The following GPR155 variants were observed in gnomAD, a reference collection of about 807,000 sequenced individuals.
GPR155 encodes the protein lysosomal cholesterol signaling protein.
In GPR155, 65 loss-of-function variants were observed where a neutral mutation model predicts 93.1. The observed-to-expected ratio is 0.70, with a 90% CI of 0.57 to 0.86. The LOEUF (loss-of-function observed/expected upper bound fraction) is 0.86, where lower values mean the gene tolerates loss of function less well. Ranked by LOEUF, GPR155 falls within the 40% of genes least tolerant of loss-of-function variation. The pLI is 0.00. For missense variants in GPR155, 838 were observed against 1,034.8 expected (o/e 0.81, Z 2.61); for synonymous variants, 319 against 360.1 (o/e 0.89, Z 1.29).
intron 1 of GPR155, among the ~76,000 whole-genome samples, chr2:174,485,941 T>C (rs1309780815): frequency 5.3e-5 from 8 of 152,244 alleles, no homozygotes; most frequent in African/African-American, 1.9e-4. Flanking sequence ...AAACCGCTTC[T>C]AGCCACATCA....
Position 174,432,661 on chromosome 2 carries a change from AC to A in GPR155, c.*3454del, listed in dbSNP as rs1478935704. 5 of 152,182 alleles carry A rather than the reference AC, an allele frequency of 3.3e-5. No homozygotes were observed. The highest frequency in any genetic ancestry group is 9.7e-5 in the African/African-American group (4 of 41,450). The allele number at this position is 152,182 out of a possible 1,614,324, so 9.4% of individuals were successfully genotyped here. A position where few individuals can be genotyped will look rare whatever the true frequency, so the allele number is the denominator to read the frequency against. On this transcript the variant is annotated 3_prime_UTR_variant, in exon 16 of 16. Coordinates refer to ENST00000392552, the MANE Select transcript of GPR155 (RefSeq NM_152529.7). ...CGCAGCAAGACAATTCAGCTTAAAA[AC>A]ATCCCCATTCCCTAATCACAACTTA...
intron 1 of GPR155, among the ~76,000 whole-genome samples, chr2:174,482,417 T>C (rs1688353158): frequency 6.6e-6 from 1 of 152,172 alleles, no homozygotes; most frequent in Non-Finnish European, 1.5e-5. Flanking sequence ...CCAAATTCTC[T>C]GGAAATTTCA....
chr2:174,466,586 T>A lies in GPR155; in HGVS notation c.1224A>T (p.Lys408Asn), dbSNP rs1687843697. 1.3e-6 allele frequency: 2 copies of A among 1,593,092 alleles called. No individual in the cohort carries two copies. Among genetic ancestry groups the A allele is most frequent in the Non-Finnish European group, 1.7e-6 (2 of 1,164,040 alleles). Residue 408 changes from lysine to asparagine, a missense_variant, in exon 6 of 16, where the codon AAA (lysine) becomes AAT (asparagine). Around this residue, in one of 3 missense-constraint regions of GPR155, gnomAD observed 663 missense variants for 790.1 expected, o/e 0.84. Transcript: ENST00000392552. Reference protein sequence around the residue: ...LAILLLSKKYKQLPHMLTTNL... With the variant: ...LAILLLSKKYNQLPHMLTTNL... The stretch of plus-strand genomic sequence containing the variant: ...TAGTTGTAAGCATATGAGGAAGCTG[T>A]TTATATTTCTTACTCAAAAGAAGAA...
chr2:174,479,836 C>G (rs963258397), intron 2 of GPR155, among the ~76,000 whole-genome samples: 20 of 152,198 alleles, frequency 1.3e-4, no homozygotes, highest in Admixed American at 7.8e-4. Context: ...TCTTTATTTC[C>G]TTTTGAAATT....
At chr2:174,483,157 A>G (rs771187200) in intron 1 of GPR155, 5 of 152,182 alleles carry the variant, frequency 3.3e-5, no homozygotes, top group Admixed American at 1.3e-4. Flanking sequence ...CTAGGACAGT[A>G]CCTGGCATAC....
Position 174,472,950 on chromosome 2 carries a change from A to C in GPR155, c.860+15T>G. On this transcript the variant is annotated intron_variant, in intron 3 of 15. Transcript: ENST00000392552. ...TCAAAAAGTACAATTCTCAAGTTAA[A>C]TAAGTGATGCTTACAGTTTAGCTGT... The C allele has an allele frequency of 2.5e-6, 4 of 1,569,970 alleles. No individual in the cohort carries two copies. The highest frequency in any genetic ancestry group is 3.4e-6 in the Non-Finnish European group (4 of 1,167,296).
At position 174,431,701 on chromosome 2, in the gene GPR155, A is replaced by G. The variant is rs1686649610; in HGVS notation, c.*4415T>C. ...GCCATCACTCATGACAGGACTACCT[A>G]TGTGCAGTGGCCTAAAGTAATTTAA... On this transcript the variant is annotated 3_prime_UTR_variant, in exon 16 of 16. Coordinates refer to ENST00000392552, the MANE Select transcript of GPR155 (RefSeq NM_152529.7). The G allele has an allele frequency of 6.6e-6, 1 of 152,216 alleles. No individual in the cohort carries two copies. Among genetic ancestry groups the G allele is most frequent in the African/African-American group, 2.4e-5 (1 of 41,464 alleles). 9.4% of individuals were successfully genotyped at this position (152,216 alleles called of 1,614,324 possible).
At chr2:174,485,878 C>T (rs1448060041) in intron 1 of GPR155, among the ~76,000 whole-genome samples, 4 of 152,270 alleles carry the variant, frequency 2.6e-5, no homozygotes, top group African/African-American at 9.6e-5. Flanking sequence ...AACACGTTCA[C>T]AGTAAAAGAC....
chr2:174,447,014 A>G (rs1440205620), intron 11 of GPR155, among the ~76,000 whole-genome samples: 2 of 152,270 alleles, frequency 1.3e-5, no homozygotes, highest in Admixed American at 6.5e-5. Flanking sequence ...ATTATCTAAC[A>G]TAAGTTATAT....
chr2:174,460,265 A>G (rs1180561439), intron 9 of GPR155, among the ~76,000 whole-genome samples, 177 bp from the exon 10 acceptor site: 1 of 138,636 alleles, frequency 7.2e-6, no homozygotes, highest in Non-Finnish European at 1.5e-5. Context: ...GGTTCACGCC[A>G]TTCTCCTGCC....
rs1686767822 is a variant in GPR155, at chr2:174,436,047, T to C, written c.*69A>G. The C allele has an allele frequency of 7.4e-7, 1 of 1,352,538 alleles. No homozygotes were observed. The highest frequency in any genetic ancestry group is 1.4e-5 in the African/African-American group (1 of 69,416). The allele number at this position is 1,352,538 out of a possible 1,614,324, so 83.8% of individuals were successfully genotyped here. ...GTTGCCTCTGTTAACTTGCCCAAGG[T>C]CACCCAGCTAAAAACTAATGAATAC... On this transcript the variant is annotated 3_prime_UTR_variant, in exon 16 of 16. Coordinates refer to ENST00000392552, the MANE Select transcript of GPR155 (RefSeq NM_152529.7).
chr2:174,462,922 A>G (rs962471291), intron 7 of GPR155, among the ~76,000 whole-genome samples: 3 of 152,160 alleles, frequency 2.0e-5, no homozygotes, highest in African/African-American at 7.2e-5. Flanking sequence ...AGCACCTTAG[A>G]TGTGGAAATG....
intron 2 of GPR155, among the ~76,000 whole-genome samples, chr2:174,476,244 C>A (rs1688162486): frequency 6.6e-6 from 1 of 152,134 alleles, no homozygotes; most frequent in South Asian, 2.1e-4. Flanking sequence ...CTAACAGTAC[C>A]ATCTAAATCT....
intron 7 of GPR155, 131 bp downstream of exon 7, chr2:174,465,654 G>T: frequency 1.9e-6 from 1 of 535,414 alleles, no homozygotes; most frequent in Non-Finnish European, 3.4e-6. Context: ...TCTGTGGGTG[G>T]GCTGATCTGC....
intron 3 of GPR155, 128 bp downstream of exon 3, chr2:174,472,837 C>T: frequency 1.4e-6 from 1 of 691,056 alleles, no homozygotes; most frequent in Non-Finnish European, 2.4e-6. Flanking sequence ...TCCTTTATCT[C>T]ACAACTATTC....
Position 174,481,949 on chromosome 2 carries a change from G to T in GPR155, c.8C>A (p.Ser3Tyr). Reference protein sequence around the residue: MNSNLPAENLTIA... With the variant: MNYNLPAENLTIA... ...GGTTAAGTTCTCTGCAGGTAAATTAGAATTCATTTTCTCTCACCCTCCAAC... is the reference window on the plus strand; with the variant it reads ...GGTTAAGTTCTCTGCAGGTAAATTATAATTCATTTTCTCTCACCCTCCAAC... Residue 3 changes from serine (S) to tyrosine (Y), a missense_variant, in exon 2 of 16, where the codon TCT (serine) becomes TAT (tyrosine). Transcript: ENST00000392552. The T allele has an allele frequency of 6.2e-7, 1 of 1,605,942 alleles. No individual in the cohort carries two copies. The highest frequency in any genetic ancestry group is 2.2e-5 in the East Asian group (1 of 44,736).
intron 12 of GPR155, among the ~76,000 whole-genome samples, chr2:174,445,582 TG>T (rs1385550146): frequency 6.6e-6 from 1 of 152,204 alleles, no homozygotes; most frequent in African/African-American, 2.4e-5. Flanking sequence ...AAAGTGGTAT[TG>T]GCTGATATCA....
At position 174,436,111 on chromosome 2, in the gene GPR155, A is replaced by G. The variant is rs1478233070; in HGVS notation, c.*5T>C. The G allele has an allele frequency of 1.9e-6, 3 of 1,606,492 alleles. No individual in the cohort carries two copies. The African/African-American group carries it at 4.0e-5, about 21-fold the overall frequency. On this transcript the variant is annotated 3_prime_UTR_variant, in exon 16 of 16. Transcript: ENST00000392552. ...GATTCCATGTAGGGTTCTCCCCTGC[A>G]TAATTTAGGTCTTAGGGGAATGTGA...
intron 10 of GPR155, among the ~76,000 whole-genome samples, chr2:174,454,335 C>T (rs1687424475): frequency 6.6e-6 from 1 of 152,088 alleles, no homozygotes; most frequent in African/African-American, 2.4e-5. Flanking sequence ...CAGGGTTTCA[C>T]CATGCTGGCC....
Sources: gnomAD v4.1 joint callset for allele counts (sites outside exome capture counted in the v4.1 genomes callset) on GRCh38, gnomAD v4.1.1 for gene constraint, gnomAD v4.1.1 regional missense constraint, MANE v1.5 for transcripts, NCBI Gene and HGNC (gene_info 2026-07-23, HGNC 2026-07-21) for gene names.